EYS: variants seen among roughly 807,000 people sequenced by gnomAD.
EYS encodes the protein protein eyes shut homolog.
Under a neutral mutation model 282.1 loss-of-function variants are expected in EYS, and 250 were observed. The observed-to-expected ratio is 0.89, with a 90% confidence interval of 0.80 to 0.98. The LOEUF (loss-of-function observed/expected upper bound fraction) is 0.98. EYS is among the 50% of genes least tolerant of loss of function. EYS has a pLI of 0.00. For synonymous variants in EYS, 1,355 were observed against 1,282.9 expected, an observed-to-expected ratio of 1.06 and a Z score of -1.20; for missense variants, 4,016 against 3,709.0, an observed-to-expected ratio of 1.08 and a Z score of -2.15.
intron 11 of EYS, among the ~76,000 whole-genome samples, chr6:65,334,106 T>C (rs1300168503): frequency 6.6e-6 from 1 of 151,802 alleles, no homozygotes; most frequent in Non-Finnish European, 1.5e-5. Context: ...ATCACTTTAT[T>C]TAAATATTTT....
intron 22 of EYS, among the ~76,000 whole-genome samples, chr6:64,647,564 G>A (rs1337130686): frequency 6.6e-6 from 1 of 151,978 alleles, no homozygotes; most frequent in Non-Finnish European, 1.5e-5. Context: ...ATGCTTTATG[G>A]CACTATACCA....
intron 22 of EYS, among the ~76,000 whole-genome samples, chr6:64,657,374 C>T (rs1051752994): frequency 2.8e-4 from 42 of 151,948 alleles, no homozygotes; most frequent in Non-Finnish European, 4.7e-4. Flanking sequence ...AATATTGTTA[C>T]GTGTGAATTT....
chr6:64,299,900 A>C (rs1357708659), intron 30 of EYS, among the ~76,000 whole-genome samples: 1 of 152,132 alleles, frequency 6.6e-6, no homozygotes, highest in African/African-American at 2.4e-5. Flanking sequence ...AGAAGAGCCT[A>C]AAAAGGAGAA....
At chr6:63,987,095 G>A (rs554783028) in intron 34 of EYS, among the ~76,000 whole-genome samples, 4 of 151,662 alleles carry the variant, frequency 2.6e-5, no homozygotes, top group South Asian at 2.1e-4. Flanking sequence ...TTCTAAAGAC[G>A]GCAAATAAGA....
chr6:64,352,871 C>T (rs1771689878), intron 29 of EYS, among the ~76,000 whole-genome samples: 1 of 151,428 alleles, frequency 6.6e-6, no homozygotes, highest in South Asian at 2.1e-4. Context: ...CAACTCCTTC[C>T]AAAATTGTTA....
chr6:63,849,829 C>T lies in EYS; in HGVS notation c.7228+14357G>A, dbSNP rs1421425074. 1.3e-5 allele frequency among the ~76,000 whole-genome samples: 2 copies of T among 152,100 alleles called. 1 individual carries two copies. The highest frequency in any genetic ancestry group is 4.1e-4 in the South Asian group (2 of 4,834). On this transcript the variant is annotated intron_variant, in intron 36 of 42. Coordinates refer to ENST00000503581, the MANE Select transcript of EYS (RefSeq NM_001142800.2). ...ACAAAACTGGATGGAGAATGAGTTA[C>T]ACAAATGGACAGGAGTAGGCTTTAG...
chr6:64,980,042 A>G (rs1209715911), intron 14 of EYS, among the ~76,000 whole-genome samples: 3 of 151,562 alleles, frequency 2.0e-5, no homozygotes, highest in African/African-American at 7.3e-5. Flanking sequence ...CAGTAAAATA[A>G]GTGACATCCT....
chr6:64,775,831 C>T (rs983141413), intron 22 of EYS, among the ~76,000 whole-genome samples: 1 of 151,966 alleles, frequency 6.6e-6, no homozygotes, highest in African/African-American at 2.4e-5. Flanking sequence ...CAAGGTAGTA[C>T]AATATATCTA....
chr6:64,578,775 T>C (rs1039821250), intron 26 of EYS, among the ~76,000 whole-genome samples: 7 of 152,134 alleles, frequency 4.6e-5, no homozygotes, highest in African/African-American at 1.7e-4. Flanking sequence ...CAATAAAATA[T>C]GCTGCTAGTG....
chr6:64,657,737 T>C (rs1392098548), intron 22 of EYS, among the ~76,000 whole-genome samples: 1 of 152,238 alleles, frequency 6.6e-6, no homozygotes, highest in African/African-American at 2.4e-5. Flanking sequence ...GTTAGTCTGA[T>C]GGGCTTCCCC....
At chr6:63,982,371 G>A (rs989623331) in intron 35 of EYS, among the ~76,000 whole-genome samples, 4 of 151,826 alleles carry the variant, frequency 2.6e-5, no homozygotes, top group African/African-American at 9.7e-5. Flanking sequence ...TAGGTTGGGG[G>A]TCTCATCTCA....
chr6:65,442,985 T>TGTACATATATGTATATATACATAA (rs1271968858), intron 5 of EYS, among the ~76,000 whole-genome samples: 9 of 150,522 alleles, frequency 6.0e-5, no homozygotes, highest in Admixed American at 1.3e-4. Context: ...TATATACATA[T>TGTACATATATGTATATATACATAA]GTGCGTATAT....
At chr6:64,393,414 A>T (rs1181440133) in intron 28 of EYS, among the ~76,000 whole-genome samples, 3 of 152,234 alleles carry the variant, frequency 2.0e-5, no homozygotes, top group Non-Finnish European at 2.9e-5. Context: ...CCAGCAACAC[A>T]TCAAAAAGCT....
At chr6:65,084,121 G>T (rs986588052) in intron 12 of EYS, among the ~76,000 whole-genome samples, 3 of 152,014 alleles carry the variant, frequency 2.0e-5, no homozygotes, top group Non-Finnish European at 4.4e-5. Flanking sequence ...GTCAGCAGAA[G>T]AAATAATAAC....
At chr6:65,087,110 C>A (rs190827565) in intron 12 of EYS, among the ~76,000 whole-genome samples, 1 of 152,046 alleles carries the variant, frequency 6.6e-6, no homozygotes, top group South Asian at 2.1e-4. Flanking sequence ...CATGAGCCAC[C>A]GTACCCAGCC....
intron 2 of EYS, among the ~76,000 whole-genome samples, chr6:65,638,337 G>A (rs1767161630): frequency 6.6e-6 from 1 of 152,158 alleles, no homozygotes; most frequent in Non-Finnish European, 1.5e-5. Context: ...TAAGAGGCAG[G>A]ACAAGAAGTC....
At chr6:65,211,508 T>TTA (rs569152172) in intron 12 of EYS, among the ~76,000 whole-genome samples, 58 of 151,982 alleles carry the variant, frequency 3.8e-4, no homozygotes, top group Admixed American at 3.1e-3. Flanking sequence ...GACAAAAGCT[T>TTA]TATATATATA....
chr6:65,405,431 G>T, intron 5 of EYS, 64 bp from the exon 6 acceptor site: 1 of 1,271,456 alleles, frequency 7.9e-7, no homozygotes, highest in Non-Finnish European at 1.1e-6. Flanking sequence ...AATGAGCATA[G>T]ATATGTAGCA....
chr6:64,243,995 C>G (rs1766923686), intron 30 of EYS, among the ~76,000 whole-genome samples: 1 of 152,034 alleles, frequency 6.6e-6, no homozygotes, highest in East Asian at 1.9e-4. Context: ...AGAGATGTAA[C>G]TTATTGGGTC....
Sources: allele counts gnomAD v4.1 joint callset (sites outside exome capture counted in the v4.1 genomes callset), GRCh38; gene constraint gnomAD v4.1.1; transcripts MANE v1.5; gene names NCBI Gene and HGNC (gene_info 2026-07-23, HGNC 2026-07-21).